The following PSPC1 variants were observed in gnomAD, a reference collection of about 807,000 sequenced individuals.
PSPC1 encodes the protein paraspeckle component 1, also known as paraspeckle protein 1.
Under a neutral mutation model 51.6 loss-of-function variants are expected in PSPC1, and 14 were observed. That is an observed-to-expected ratio of 0.27 (90% CI 0.18 to 0.42). The LOEUF is 0.42. Among genes scored for constraint, PSPC1 ranks in the 10% least tolerant of loss-of-function variants. The pLI, the probability that PSPC1 is intolerant of heterozygous loss-of-function variation, is 1.00. For synonymous variants in PSPC1, 193 were observed against 231.9 expected (o/e 0.83, Z 1.53); for missense variants, 406 against 701.1 (o/e 0.58, Z 4.75).
At chr13:19,773,439 C>T (rs1283168026) in intron 1 of PSPC1, among the ~76,000 whole-genome samples, 4 of 151,574 alleles carry the variant, frequency 2.6e-5, no homozygotes, top group South Asian at 2.1e-4. Flanking sequence ...TTAGTAGAGA[C>T]GGGGTTTCAC....
rs570990611 is a variant in PSPC1, at chr13:19,753,571, C to T, written c.771-2104G>A. On this transcript the variant is annotated intron_variant, in intron 3 of 8. Coordinates refer to ENST00000338910, the MANE Select transcript of PSPC1 (RefSeq NM_001354909.2). ...CTGCATAAATATCTTCAATTAGTCT[C>T]GCCTATAACAGCCTGTATTTAAAAG... Among the ~76,000 whole-genome samples the T allele has an allele frequency of 3.9e-3, 593 of 152,166 alleles. 2 individuals are homozygous for T. The highest frequency in any genetic ancestry group is 0.01 in the Middle Eastern group (3 of 294).
intron 6 of PSPC1, among the ~76,000 whole-genome samples, chr13:19,690,397 T>C (rs1362908728): frequency 6.6e-6 from 1 of 152,214 alleles, no homozygotes; most frequent in Non-Finnish European, 1.5e-5. Flanking sequence ...GACGAGTTGC[T>C]CCTAGCAGTG....
At chr13:19,715,109 G>A (rs944476509) in intron 6 of PSPC1, among the ~76,000 whole-genome samples, 1 of 152,148 alleles carries the variant, frequency 6.6e-6, no homozygotes, top group Non-Finnish European at 1.5e-5. Context: ...TCTTAACTCT[G>A]TAACGTTTTC....
chr13:19,728,067 A>G (rs1169839577), intron 6 of PSPC1, among the ~76,000 whole-genome samples: 2 of 152,212 alleles, frequency 1.3e-5, no homozygotes, highest in African/African-American at 4.8e-5. Flanking sequence ...GTACTGGCTT[A>G]CATCCTTGAA....
Position 19,782,740 on chromosome 13 carries a change from G to T in PSPC1, c.18C>A (p.Asn6Lys). The change falls in exon 1 of 9, where the codon AAC becomes AAA. Residue 6 changes from asparagine (N) to lysine (K), a missense_variant. This residue lies in a region of PSPC1 where 128 missense variants were observed against 107.1 expected (regional missense o/e 1.20). Transcript: ENST00000338910. This position sits in a 1 kb window ranked among gnomAD's most constrained non-coding sequence, Gnocchi z 4.5. MMLRG[N>K]LKQVRIEKNP... The stretch of plus-strand genomic sequence containing the variant: ...TTTTCTCAATGCGCACTTGCTTCAG[G>T]TTTCCTCTTAACATCATCTTACTGA... 1 of 1,563,954 alleles carries T rather than the reference G, an allele frequency of 6.4e-7. No homozygotes were observed.
chr13:19,751,151 T>C (rs1349432674), intron 4 of PSPC1, 120 bp downstream of exon 4: 13 of 696,114 alleles, frequency 1.9e-5, no homozygotes, highest in African/African-American at 5.5e-5. Context: ...ACCTAATATG[T>C]TGAGTTCCAA....
Position 19,710,733 on chromosome 13 carries a change from A to G in PSPC1, c.1159-1134T>C, listed in dbSNP as rs1238992988. Among the ~76,000 whole-genome samples the G allele has an allele frequency of 5.3e-5, 8 of 152,204 alleles. No individual in the cohort carries two copies. The East Asian group carries it at 1.5e-3, about 29-fold the overall frequency. On this transcript the variant is annotated intron_variant, in intron 6 of 8. Transcript: ENST00000338910. ...GTCCAAAGGTAATCCTAATGAAGCT[A>G]CGGTACAATGAATGAAGCTACGGTA...
intron 5 of PSPC1, among the ~76,000 whole-genome samples, chr13:19,734,996 AC>A (rs1205850548): frequency 5.3e-5 from 4 of 75,034 alleles, no homozygotes; most frequent in African/African-American, 1.1e-4. Flanking sequence ...AAACAAACAA[AC>A]AAACAAAAAA....
At chr13:19,700,753 T>G (rs968507150), downstream of PSPC1, among the ~76,000 whole-genome samples, 1 of 152,044 alleles carries the variant, frequency 6.6e-6, no homozygotes, top group African/African-American at 2.4e-5. Flanking sequence ...TATATTAAAA[T>G]TGTTTCATAT....
At chr13:19,701,727 A>G (rs1356692354), downstream of PSPC1, among the ~76,000 whole-genome samples, 1 of 152,194 alleles carries the variant, frequency 6.6e-6, no homozygotes. Flanking sequence ...AGACACCACT[A>G]TTTACATAGT....
rs1565980818 is a variant in PSPC1 at position 19,709,540 on chromosome 13, A to G, written c.1216+2T>C. The G allele has an allele frequency of 1.2e-6, 2 of 1,609,180 alleles. No homozygotes were observed. Among genetic ancestry groups the G allele is most frequent in the Non-Finnish European group, 8.5e-7 (1 of 1,178,462 alleles). Reference sequence around the variant, plus strand: ...CAAAAGCCTTTTGCTTCAAATCCCTACCTCCCATGTTTATTGCTCCACGGG... The same window carrying G: ...CAAAAGCCTTTTGCTTCAAATCCCTGCCTCCCATGTTTATTGCTCCACGGG... On this transcript the variant is annotated splice_donor_variant, in intron 7 of 8. Coordinates refer to ENST00000338910, the MANE Select transcript of PSPC1 (RefSeq NM_001354909.2). LOFTEE classifies it high-confidence loss of function.
At chr13:19,696,820 A>T (rs1182516830) in intron 6 of PSPC1, among the ~76,000 whole-genome samples, 2 of 152,228 alleles carry the variant, frequency 1.3e-5, no homozygotes, top group African/African-American at 4.8e-5. Context: ...TATGCTGAGA[A>T]TCTGCTAAGA....
chr13:19,681,149 A>G (rs1189633373), intron 6 of PSPC1, among the ~76,000 whole-genome samples: 37 of 152,212 alleles, frequency 2.4e-4, no homozygotes, highest in Admixed American at 2.4e-3. Flanking sequence ...CAGGAGCTCA[A>G]GGCTGCAGTG....
At chr13:19,759,751 A>G (rs928131974) in intron 2 of PSPC1, among the ~76,000 whole-genome samples, 2 of 151,970 alleles carry the variant, frequency 1.3e-5, no homozygotes, top group Non-Finnish European at 2.9e-5. Context: ...AATCCCAGCT[A>G]CTGAGGACGC....
intron 6 of PSPC1, among the ~76,000 whole-genome samples, chr13:19,715,130 C>T (rs1038761525): frequency 2.0e-5 from 3 of 152,134 alleles, no homozygotes; most frequent in African/African-American, 4.8e-5. Flanking sequence ...TTTAAAACCT[C>T]GCTTTGGCTT....
chr13:19,772,924 G>T (rs1047122966), intron 1 of PSPC1, among the ~76,000 whole-genome samples: 9 of 152,118 alleles, frequency 5.9e-5, no homozygotes, highest in Admixed American at 5.9e-4. Context: ...CACTTTGAGA[G>T]GCTGAGGCGG....
At chr13:19,710,572 G>A (rs1881263355) in intron 6 of PSPC1, among the ~76,000 whole-genome samples, 1 of 152,148 alleles carries the variant, frequency 6.6e-6, no homozygotes, top group African/African-American at 2.4e-5. Flanking sequence ...TTCATTTAAA[G>A]TTCCATTTTA....
chr13:19,751,027 C>A (rs542988176), intron 4 of PSPC1, among the ~76,000 whole-genome samples: 1 of 152,028 alleles, frequency 6.6e-6, no homozygotes, highest in Non-Finnish European at 1.5e-5. Flanking sequence ...CCTTGGCCCC[C>A]CAAAGTGCTG....
At chr13:19,759,287 A>T (rs1887390450) in intron 3 of PSPC1, 36 bp downstream of exon 3, 1 of 1,480,008 alleles carries the variant, frequency 6.8e-7, no homozygotes, top group Non-Finnish European at 9.4e-7. Flanking sequence ...CACCCTTAAT[A>T]GTACAGACAC....
Sources: gnomAD v4.1 joint callset for allele counts (sites outside exome capture counted in the v4.1 genomes callset) on GRCh38, gnomAD v4.1.1 for gene constraint, gnomAD v4.1.1 regional missense constraint, Gnocchi (gnomAD v3.1) non-coding constraint, MANE v1.5 for transcripts, NCBI Gene and HGNC (gene_info 2026-07-23, HGNC 2026-07-21) for gene names.